RANBP2: variants seen among roughly 807,000 people sequenced by gnomAD.
The protein encoded by RANBP2 is E3 SUMO-protein ligase RanBP2.
Under a neutral mutation model 303.6 loss-of-function variants are expected in RANBP2, and 57 were observed. The ratio of observed to expected loss-of-function variants is 0.19; its 90% confidence interval spans 0.15 to 0.23. RANBP2 has a LOEUF of 0.23. Ranked by LOEUF, RANBP2 falls within the 10% of genes least tolerant of loss-of-function variation. The pLI is 1.00. For missense variants in RANBP2, 3,138 were observed against 3,780.8 expected, an observed-to-expected ratio of 0.83 and a Z score of 4.46; for synonymous variants, 1,167 against 1,301.5, an observed-to-expected ratio of 0.90 and a Z score of 2.23.
chr2:109,007,897 T>C, the RANBP2 span, among the ~76,000 whole-genome samples: 2 of 151,898 alleles, frequency 1.3e-5, no homozygotes, highest in Non-Finnish European at 2.9e-5. Context: ...AATCTAAACC[T>C]GTTAGCAGCT....
chr2:109,133,897 G>C, the RANBP2 span, among the ~76,000 whole-genome samples: 1 of 152,164 alleles, frequency 6.6e-6, no homozygotes, highest in Non-Finnish European at 1.5e-5. Context: ...AGCCTTGCCA[G>C]GCTGTAGTCT....
chr2:108,767,986 A>T lies in RANBP2; in HGVS notation c.7447A>T (p.Ile2483Phe), dbSNP rs149298080. The T allele has an allele frequency of 5.6e-6, 9 of 1,611,902 alleles. No individual in the cohort carries two copies. The African/African-American group carries it at 1.2e-4, about 22-fold the overall frequency. The change falls in exon 20 of 29, where the codon ATT becomes TTT. Residue 2483 changes from isoleucine (I) to phenylalanine (F), a missense_variant. Physicochemically the swap from Ile to Phe is conservative, Grantham distance 21. Transcript: ENST00000283195. ...AACCACAAGAGAGAGGACAGATGTT[A>T]TTCAGGGTGATGATGTAGCAGATGC... ...EETTRERTDVIQGDDVADATS... is the reference protein window; with the variant it reads ...EETTRERTDVFQGDDVADATS...
the RANBP2 span, among the ~76,000 whole-genome samples, chr2:109,180,905 A>C: frequency 1.6e-4 from 25 of 152,350 alleles, no homozygotes; most frequent in African/African-American, 5.8e-4. Flanking sequence ...GGACCACCCC[A>C]TGCAGAGAGC....
At chr2:109,258,348 G>A in the RANBP2 span, among the ~76,000 whole-genome samples, 2 of 152,174 alleles carry the variant, frequency 1.3e-5, no homozygotes, top group Non-Finnish European at 2.9e-5. Context: ...GCGAGAAACT[G>A]CAGAGTTGAG....
chr2:109,342,845 A>G, the RANBP2 span, among the ~76,000 whole-genome samples: 2 of 152,260 alleles, frequency 1.3e-5, no homozygotes, highest in African/African-American at 4.8e-5. Context: ...GTAATGAGCC[A>G]TGAAATTGAC....
chr2:109,664,979 A>G, the RANBP2 span, among the ~76,000 whole-genome samples: 21 of 152,068 alleles, frequency 1.4e-4, 1 homozygote, highest in African/African-American at 5.1e-4. Context: ...AACAACAAAA[A>G]AACTCAATGC....
the RANBP2 span, among the ~76,000 whole-genome samples, chr2:109,638,973 C>T: frequency 6.6e-6 from 1 of 152,176 alleles, no homozygotes; most frequent in Non-Finnish European, 1.5e-5. Context: ...ACAAAGCCTG[C>T]ACCCAGCAGA....
At chr2:109,158,111 G>T in the RANBP2 span, among the ~76,000 whole-genome samples, 1 of 152,090 alleles carries the variant, frequency 6.6e-6, no homozygotes, top group African/African-American at 2.4e-5. Context: ...GTGGCAAGAG[G>T]GTCCCATAGC....
At chr2:108,845,817 T>C in the RANBP2 span, among the ~76,000 whole-genome samples, 139,574 of 152,092 alleles carry the variant, frequency 0.92, 64,113 homozygotes, top group East Asian at 1. Context: ...ATGATCTGCC[T>C]GCCTCGGCGT....
chr2:109,659,068 G>C, the RANBP2 span, among the ~76,000 whole-genome samples: 1 of 130,874 alleles, frequency 7.6e-6, no homozygotes, highest in African/African-American at 3.0e-5. Context: ...CCGCCCCCCC[G>C]CCAAAAAATA....
At chr2:109,657,776 A>G in the RANBP2 span, among the ~76,000 whole-genome samples, 1 of 140,360 alleles carries the variant, frequency 7.1e-6, no homozygotes, top group Non-Finnish European at 1.5e-5. Context: ...CTGGAGTGCA[A>G]TGGCACAATC....
chr2:108,832,549 G>T, the RANBP2 span, among the ~76,000 whole-genome samples: 1 of 152,154 alleles, frequency 6.6e-6, no homozygotes, highest in South Asian at 2.1e-4. Flanking sequence ...GTTTCTCCTT[G>T]TTGGTCAGGC....
At chr2:108,734,141 G>A (rs529649913) in intron 4 of RANBP2, among the ~76,000 whole-genome samples, 1 of 151,960 alleles carries the variant, frequency 6.6e-6, no homozygotes, top group African/African-American at 2.4e-5. Flanking sequence ...ATTGATAAAG[G>A]AGAGAGGGGA....
chr2:109,252,488 G>A, the RANBP2 span, among the ~76,000 whole-genome samples: 5 of 152,104 alleles, frequency 3.3e-5, no homozygotes, highest in East Asian at 1.9e-4. Context: ...TTGATCAGCC[G>A]TCCTGGTGTT....
the RANBP2 span, chr2:108,794,648 A>G: frequency 3.1e-6 from 5 of 1,614,050 alleles, no homozygotes; most frequent in African/African-American, 2.7e-5. Flanking sequence ...AAAGCATCAG[A>G]CAAGCGGAGT....
At chr2:108,866,098 A>G in the RANBP2 span, among the ~76,000 whole-genome samples, 1 of 152,162 alleles carries the variant, frequency 6.6e-6, no homozygotes, top group Non-Finnish European at 1.5e-5. Flanking sequence ...TTTCACACCT[A>G]CTGGGATGCA....
At chr2:109,649,426 C>T in the RANBP2 span, among the ~76,000 whole-genome samples, 1 of 151,930 alleles carries the variant, frequency 6.6e-6, no homozygotes, top group Non-Finnish European at 1.5e-5. Flanking sequence ...GAGACAGAGT[C>T]TCACTCTGTC....
chr2:109,371,977 C>A, the RANBP2 span, among the ~76,000 whole-genome samples: 139 of 152,314 alleles, frequency 9.1e-4, 1 homozygote, highest in African/African-American at 3.2e-3. Flanking sequence ...CTCAAGGGAC[C>A]CCTGCGCCTG....
the RANBP2 span, among the ~76,000 whole-genome samples, chr2:109,641,621 G>T: frequency 4.0e-4 from 61 of 152,166 alleles, 1 homozygote; most frequent in Non-Finnish European, 4.4e-5. Flanking sequence ...TTTTTAATGA[G>T]TGAAGAGTTT....
Sources: allele counts gnomAD v4.1 joint callset (sites outside exome capture counted in the v4.1 genomes callset), GRCh38; gene constraint gnomAD v4.1.1; transcripts MANE v1.5; gene names NCBI Gene and HGNC (gene_info 2026-07-23, HGNC 2026-07-21).